CD8B2: variants seen among roughly 807,000 people sequenced by gnomAD.
CD8B2 encodes the protein CD8B family member 2.
In CD8B2, 11 loss-of-function variants were observed where a neutral mutation model predicts 23.7. The observed-to-expected ratio is 0.46, with a 90% CI of 0.29 to 0.77. The LOEUF is 0.77. Ranked by LOEUF, CD8B2 falls within the 30% of genes least tolerant of loss-of-function variation. CD8B2 has a pLI of 0.09. For synonymous variants in CD8B2, 90 were observed against 109.3 expected (o/e 0.82, Z 1.10); for missense variants, 197 against 270.5 (o/e 0.73, Z 1.91).
intron 5 of CD8B2, 126 bp downstream of exon 5, chr2:106,504,451 G>C: frequency 6.5e-7 from 1 of 1,528,900 alleles, no homozygotes; most frequent in East Asian, 2.5e-5. Context: ...GCCGGGCGTG[G>C]TAGTGCACAC....
intron 5 of CD8B2, among the ~76,000 whole-genome samples, chr2:106,504,792 T>A (rs1224075741): frequency 2.0e-5 from 3 of 152,200 alleles, no homozygotes. Context: ...ATCCCACCTA[T>A]TATTTCATCC....
intron 5 of CD8B2, 123 bp downstream of exon 5, chr2:106,504,448 G>T: frequency 1.3e-6 from 2 of 1,530,086 alleles, no homozygotes; most frequent in Non-Finnish European, 8.8e-7. Context: ...TCGGCCGGGC[G>T]TGGTAGTGCA....
intron 5 of CD8B2, among the ~76,000 whole-genome samples, chr2:106,525,247 T>A (rs1039246904): frequency 6.6e-6 from 1 of 152,180 alleles, no homozygotes; most frequent in Non-Finnish European, 1.5e-5. Context: ...AGTTAGAGAA[T>A]CTTCTCTCCA....
chr2:106,505,711 T>G (rs1012367095), intron 5 of CD8B2, among the ~76,000 whole-genome samples: 1 of 152,230 alleles, frequency 6.6e-6, no homozygotes, highest in Non-Finnish European at 1.5e-5. Flanking sequence ...CTGCTGGATT[T>G]TATGGGCAAT....
chr2:106,534,876 T>C (rs1680062728), intron 5 of CD8B2, among the ~76,000 whole-genome samples: 2 of 152,186 alleles, frequency 1.3e-5, no homozygotes, highest in African/African-American at 4.8e-5. Context: ...TGGAGTGCAG[T>C]TGTGAGATCT....
intron 5 of CD8B2, among the ~76,000 whole-genome samples, chr2:106,538,587 C>T (rs960331763): frequency 4.6e-5 from 7 of 152,120 alleles, no homozygotes; most frequent in Admixed American, 6.5e-5. Flanking sequence ...CTATCTAGAG[C>T]CGAGCAGTGT....
chr2:106,490,743 C>G, intron 1 of CD8B2, 131 bp from the exon 2 acceptor site: 2 of 1,474,974 alleles, frequency 1.4e-6, no homozygotes, highest in Non-Finnish European at 1.8e-6. Context: ...GTGCTCAACA[C>G]ACTCCCTGGA....
Position 106,490,870 on chromosome 2 carries a change from C to T in CD8B2, c.44-4C>T. 6.4e-7 allele frequency: 1 copy of T among 1,565,660 alleles called. No homozygotes were observed. The highest frequency in any genetic ancestry group is 8.7e-7 in the Non-Finnish European group (1 of 1,155,122). On this transcript the variant is annotated splice_region_variant and splice_polypyrimidine_tract_variant and intron_variant, in intron 1 of 5. Transcript: ENST00000643224. ...GCGATGTCTCTGTTCTTGGCTTTTC[C>T]TAGTTCTCCATGGCAACTCAGTCCT... is the stretch of plus-strand genomic sequence containing the variant.
At position 106,504,353 on chromosome 2, in the gene CD8B2, G is replaced by A; in HGVS notation, c.620+28G>A. 4 of 1,555,222 alleles carry A rather than the reference G, an allele frequency of 2.6e-6. No individual in the cohort carries two copies. The Middle Eastern group carries it at 6.7e-4, about 260-fold the overall frequency. On this transcript the variant is annotated intron_variant, in intron 5 of 5. Coordinates refer to ENST00000643224, the MANE Select transcript of CD8B2 (RefSeq NM_001349727.2). The stretch of plus-strand genomic sequence containing the variant: ...AAGTGTATAACCTGGGTGTGGCCTT[G>A]GGTTCCTCAGCCCCTGCTGCAGCTT...
At chr2:106,526,995 G>A (rs1679917149) in intron 5 of CD8B2, among the ~76,000 whole-genome samples, 1 of 152,136 alleles carries the variant, frequency 6.6e-6, no homozygotes, top group Admixed American at 6.5e-5. Context: ...TTTGGATTAT[G>A]TCTACATTTG....
exon 6 of CD8B2, chr2:106,544,081 G>T (rs1276415471): frequency 5.0e-6 from 2 of 398,638 alleles, no homozygotes; most frequent in Non-Finnish European, 8.8e-6. Flanking sequence ...AAGAGCACGT[G>T]GGTGGCCTGT....
intron 5 of CD8B2, among the ~76,000 whole-genome samples, chr2:106,516,370 A>G (rs1257506479): frequency 6.6e-6 from 1 of 152,152 alleles, no homozygotes; most frequent in Non-Finnish European, 1.5e-5. Context: ...TTCCGAGGAC[A>G]TGACATACCC....
At chr2:106,521,023 GGAGAGAGA>G (rs70953586) in intron 5 of CD8B2, among the ~76,000 whole-genome samples, 5 of 130,414 alleles carry the variant, frequency 3.8e-5, no homozygotes, top group Non-Finnish European at 6.4e-5. Flanking sequence ...ATGTTTTAAG[GGAGAGAGA>G]GAGAGAGAGA....
At chr2:106,490,712 TG>T (rs1679177724) in intron 1 of CD8B2, among the ~76,000 whole-genome samples, 161 bp from the exon 2 acceptor site, 1 of 152,258 alleles carries the variant, frequency 6.6e-6, no homozygotes, top group South Asian at 2.1e-4. Context: ...ATGTGAACTC[TG>T]AGTCCAGGAG....
intron 5 of CD8B2, among the ~76,000 whole-genome samples, chr2:106,542,597 C>A (rs1253291873): frequency 1.3e-5 from 2 of 149,396 alleles, no homozygotes; most frequent in Non-Finnish European, 3.0e-5. Flanking sequence ...GTAAAGAAAT[C>A]CTTCCCCATG....
chr2:106,524,909 A>G (rs1171104339), intron 5 of CD8B2, among the ~76,000 whole-genome samples: 1 of 152,100 alleles, frequency 6.6e-6, no homozygotes, highest in Non-Finnish European at 1.5e-5. Flanking sequence ...TCCCATACGC[A>G]GCCAGGACTC....
chr2:106,542,681 T>C (rs1407357915), intron 5 of CD8B2, among the ~76,000 whole-genome samples: 1 of 147,922 alleles, frequency 6.8e-6, no homozygotes, highest in Non-Finnish European at 1.5e-5. Flanking sequence ...GAAGTATATA[T>C]TATATATGAA....
chr2:106,531,721 A>T (rs113571333), intron 5 of CD8B2, among the ~76,000 whole-genome samples: 44 of 152,112 alleles, frequency 2.9e-4, no homozygotes, highest in African/African-American at 9.9e-4. Context: ...AGCCTCTCCC[A>T]TGGGCATTCC....
At chr2:106,504,657 A>G (rs895228001) in intron 5 of CD8B2, among the ~76,000 whole-genome samples, 2 of 152,176 alleles carry the variant, frequency 1.3e-5, no homozygotes, top group African/African-American at 4.8e-5. Context: ...ACCTAAACAA[A>G]CAAAAACCTG....
Sources: gnomAD v4.1 joint callset for allele counts (sites outside exome capture counted in the v4.1 genomes callset) on GRCh38, gnomAD v4.1.1 for gene constraint, MANE v1.5 for transcripts, NCBI Gene and HGNC (gene_info 2026-07-23, HGNC 2026-07-21) for gene names.